The following TRAPPC11 variants were observed in gnomAD, a reference collection of about 807,000 sequenced individuals.
TRAPPC11 encodes the protein trafficking protein particle complex subunit 11, also known as foie gras homolog.
TRAPPC11 carries 104 observed loss-of-function variants against 151.2 expected under a neutral mutation model. The ratio of observed to expected loss-of-function variants is 0.69; its 90% CI spans 0.59 to 0.81. The LOEUF (loss-of-function observed/expected upper bound fraction) is 0.81, where lower values mean the gene tolerates loss of function less well. Among genes scored for constraint, TRAPPC11 ranks in the 30% least tolerant of loss-of-function variants. TRAPPC11 has a pLI of 0.00. For synonymous variants in TRAPPC11, 456 were observed against 472.3 expected (o/e 0.97, Z 0.45); for missense variants, 1,230 against 1,349.6 (o/e 0.91, Z 1.39).
chr4:183,664,114 C>A (rs962598198), intron 2 of TRAPPC11, 43 bp downstream of exon 2: 16 of 1,489,510 alleles, frequency 1.1e-5, no homozygotes, highest in Admixed American at 6.7e-5. Context: ...TTCTCTCTCT[C>A]TATGTGTGTG....
chr4:183,703,192 T>C (rs1736886294), intron 26 of TRAPPC11, among the ~76,000 whole-genome samples: 1 of 152,212 alleles, frequency 6.6e-6, no homozygotes, highest in Non-Finnish European at 1.5e-5. Context: ...AAGACAACTG[T>C]AGGCCAGCAG....
In TRAPPC11 at chr4:183,697,752, G is replaced by C. The variant is rs1579213399; in HGVS notation, c.2768G>C (p.Trp923Ser). The C allele has an allele frequency of 7.4e-6, 12 of 1,614,074 alleles. No homozygotes were observed. The East Asian group carries it at 2.7e-4, about 36-fold the overall frequency. The stretch of plus-strand genomic sequence containing the variant: ...ACGGACCTCTTAAGTGCCTCACCCT[G>C]GGCCCTCACTATTGTTTCCAGTGAG... ...LMTDLLSASP[W>S]ALTIVSSELQ... Residue 923 changes from tryptophan (W) to serine (S), a missense_variant, in exon 25 of 30, where the codon TGG (tryptophan) becomes TCG (serine). Transcript: ENST00000334690.
chr4:183,694,122 G>A (rs1412250908), intron 22 of TRAPPC11, 84 bp downstream of exon 22: 23 of 1,429,148 alleles, frequency 1.6e-5, no homozygotes, highest in African/African-American at 4.3e-5. Flanking sequence ...AGTTCAGAGC[G>A]TTTTAACGCA....
Position 183,684,186 on chromosome 4 carries a change from C to G in TRAPPC11, c.1329C>G (p.Phe443Leu), listed in dbSNP as rs368173953. The G allele has an allele frequency of 3.7e-6, 6 of 1,613,868 alleles. No individual in the cohort carries two copies. Among genetic ancestry groups the G allele is most frequent in the Non-Finnish European group, 5.1e-6 (6 of 1,179,942 alleles). ...ITLLSNAVAQ[F>L]KKYKCPRMKS... is the part of the protein sequence containing the mutation. Reference sequence around the variant, plus strand: ...TTCTGAGCAATGCTGTTGCACAGTTCAAGAAGTATAAGTGCCCGCGAATGA... The same window carrying G: ...TTCTGAGCAATGCTGTTGCACAGTTGAAGAAGTATAAGTGCCCGCGAATGA... The change falls in exon 13 of 30, where the codon TTC becomes TTG. Residue 443 changes from phenylalanine (F) to leucine (L), a missense_variant. Physicochemically the swap from Phe to Leu is conservative, Grantham distance 22 (BLOSUM62 0). Coordinates refer to ENST00000334690, the MANE Select transcript of TRAPPC11 (RefSeq NM_021942.6).
At position 183,664,022 on chromosome 4, in the gene TRAPPC11, C is replaced by T; in HGVS notation, c.155C>T (p.Ser52Phe). ...ANRRADRVPISFKVLPGDHEY... is the reference protein window; with the variant it reads ...ANRRADRVPIFFKVLPGDHEY... ...CGGAGAGCTGATCGAGTACCAATTT[C>T]TTTCAAGGTGCTCCCAGGTGACCAT... The change falls in exon 2 of 30, where the codon TCT (serine) becomes TTT (phenylalanine). Residue 52 changes from serine (S) to phenylalanine (F), a missense_variant. By Grantham distance (155) the Ser-to-Phe change is radical. Transcript: ENST00000334690. The T allele has an allele frequency of 6.2e-7, 1 of 1,613,810 alleles. No homozygotes were observed. The highest frequency in any genetic ancestry group is 8.5e-7 in the Non-Finnish European group (1 of 1,180,004).
intron 5 of TRAPPC11, among the ~76,000 whole-genome samples, chr4:183,670,847 G>A (rs997602020): frequency 2.0e-5 from 3 of 151,880 alleles, no homozygotes; most frequent in Non-Finnish European, 2.9e-5. Context: ...GTGCAGTGGC[G>A]TGGTCTTGGC....
chr4:183,699,422 T>C (rs1040766951), intron 25 of TRAPPC11, among the ~76,000 whole-genome samples: 5 of 152,250 alleles, frequency 3.3e-5, no homozygotes, highest in Non-Finnish European at 7.3e-5. Context: ...TTTGTAAATA[T>C]GGCTCCCTTA....
intron 1 of TRAPPC11, among the ~76,000 whole-genome samples, chr4:183,661,014 G>T (rs1053175038): frequency 5.3e-5 from 8 of 151,794 alleles, no homozygotes; most frequent in Non-Finnish European, 1.0e-4. Flanking sequence ...ACCCAGCCTG[G>T]TCACCCCTTT....
intron 18 of TRAPPC11, among the ~76,000 whole-genome samples, chr4:183,691,017 G>A (rs374906576): frequency 2.0e-4 from 31 of 152,270 alleles, no homozygotes; most frequent in African/African-American, 7.2e-4. Flanking sequence ...GTAAAAAAAG[G>A]CTCTTCAAGA....
At chr4:183,678,353 T>C (rs1249758517) in intron 8 of TRAPPC11, among the ~76,000 whole-genome samples, 2 of 152,198 alleles carry the variant, frequency 1.3e-5, no homozygotes, top group African/African-American at 4.8e-5. Context: ...TTTTTTCACA[T>C]TCATCTTAAA....
chr4:183,707,763 A>C (rs1313526299), intron 28 of TRAPPC11, among the ~76,000 whole-genome samples: 1 of 152,212 alleles, frequency 6.6e-6, no homozygotes, highest in Non-Finnish European at 1.5e-5. Flanking sequence ...TACAGTATTA[A>C]ATATACCAAC....
In TRAPPC11 at chr4:183,684,712, A is replaced by G. The variant is rs1735875821; in HGVS notation, c.1438A>G (p.Met480Val). ...TKALKLLDYV[M>V]CDYRSEGWWT... is the part of the protein sequence containing the mutation. ...TTCTTTGAGGTTGCTGGATTATGTG[A>G]TGTGTGATTATCGGAGTGAAGGATG... The change falls in exon 15 of 30, where the codon ATG (methionine) becomes GTG (valine). Residue 480 changes from methionine (M) to valine (V), a missense_variant. By Grantham distance (21) the Met-to-Val change is conservative. Coordinates refer to ENST00000334690, the MANE Select transcript of TRAPPC11 (RefSeq NM_021942.6). 3 of 1,613,896 alleles carry G rather than the reference A, an allele frequency of 1.9e-6. No homozygotes were observed. The East Asian group carries it at 6.7e-5, about 36-fold the overall frequency.
At chr4:183,707,280 G>GTA (rs1554012120) in intron 28 of TRAPPC11, among the ~76,000 whole-genome samples, 9 of 151,938 alleles carry the variant, frequency 5.9e-5, no homozygotes, top group African/African-American at 2.2e-4. Flanking sequence ...GTGTGTGTGT[G>GTA]TGAGGCCTGG....
intron 19 of TRAPPC11, among the ~76,000 whole-genome samples, 182 bp from the exon 20 acceptor site, chr4:183,692,778 G>A (rs377674045): frequency 2.6e-5 from 4 of 152,106 alleles, no homozygotes; most frequent in Non-Finnish European, 2.9e-5. Context: ...AACCCAGAGC[G>A]CAGTTAGTCT....
intron 10 of TRAPPC11, among the ~76,000 whole-genome samples, chr4:183,682,302 A>G (rs1457512484): frequency 1.3e-5 from 2 of 152,246 alleles, no homozygotes; most frequent in African/African-American, 4.8e-5. Flanking sequence ...TCTGGTGCCA[A>G]AAATATTCCC....
rs201868142 is a variant in TRAPPC11, at chr4:183,694,038, G to A, written c.2508G>A (p.Gln836=). 358 of 1,612,704 alleles carry A rather than the reference G, an allele frequency of 2.2e-4. No homozygotes were observed. Among genetic ancestry groups the A allele is most frequent in the Non-Finnish European group, 2.2e-4 (258 of 1,179,354 alleles). The stretch of plus-strand genomic sequence containing the variant: ...TTGGAGACTTACATCCAGGGGAACA[G>A]GTAAACTTGGTCAACTGGGATTGAA... ...IPVGDLHPGE[Q]LEKMLYVRCG... Residue 836 remains glutamine (Q), a splice_region_variant and synonymous_variant, in exon 22 of 30, where the codon CAG becomes CAA. Transcript: ENST00000334690.
chr4:183,666,506 T>TACCTA, intron 3 of TRAPPC11, 80 bp downstream of exon 3: 1 of 1,323,470 alleles, frequency 7.6e-7, no homozygotes, highest in Non-Finnish European at 1.0e-6. Context: ...GGCAATGGAG[T>TACCTA]ACCGTTCAGA....
chr4:183,668,094 C>G lies in TRAPPC11; in HGVS notation c.537C>G (p.Asp179Glu). 1 of 1,610,242 alleles carries G rather than the reference C, an allele frequency of 6.2e-7. No homozygotes were observed. Among genetic ancestry groups the G allele is most frequent in the Non-Finnish European group, 8.5e-7 (1 of 1,177,022 alleles). Residue 179 changes from aspartate (D) to glutamate (E), a missense_variant, in exon 5 of 30, where the codon GAC (aspartate) becomes GAG (glutamate). Asp to Glu is a conservative substitution (Grantham distance 45). Coordinates refer to ENST00000334690, the MANE Select transcript of TRAPPC11 (RefSeq NM_021942.6). ...CTTTGTTTGTACTGCCGCACACTGA[C>G]CACCTTGTGGGTTATATTATAAGGT... ...GKSLFVLPHTDHLVGYIIRLE... is the reference protein window; with the variant it reads ...GKSLFVLPHTEHLVGYIIRLE...
In TRAPPC11 at chr4:183,671,247, A is replaced by C. The variant is rs77008885; in HGVS notation, c.560+3130A>C. 3.9e-4 allele frequency among the ~76,000 whole-genome samples: 60 copies of C among 152,356 alleles called. 1 individual carries two copies. Among genetic ancestry groups the C allele is most frequent in the African/African-American group, 1.4e-3 (60 of 41,582 alleles). ...CTTGAACTCCGTTGTTAAAAATACA[A>C]AACGATGTATGCAGATGTACAGATT... On this transcript the variant is annotated intron_variant, in intron 5 of 29. Transcript: ENST00000334690.
Sources: gnomAD v4.1 joint callset for allele counts (sites outside exome capture counted in the v4.1 genomes callset) on GRCh38, gnomAD v4.1.1 for gene constraint, MANE v1.5 for transcripts, NCBI Gene and HGNC (gene_info 2026-07-23, HGNC 2026-07-21) for gene names.